Variants in PDE3B observed in about 807,000 individuals in gnomAD.
PDE3B encodes the protein cGMP-inhibited 3',5'-cyclic phosphodiesterase 3B.
A neutral mutation model predicts 116.8 loss-of-function variants in PDE3B; 66 were observed. The observed-to-expected ratio is 0.56, with a 90% confidence interval of 0.46 to 0.69. The LOEUF is 0.69. PDE3B is among the 30% of genes least tolerant of loss of function. PDE3B has a pLI of 0.00. For missense variants in PDE3B, 1,384 were observed against 1,368.1 expected, an observed-to-expected ratio of 1.01 and a Z score of -0.18; for synonymous variants, 595 against 533.6, an observed-to-expected ratio of 1.12 and a Z score of -1.59.
the PDE3B span, among the ~76,000 whole-genome samples, chr11:14,898,179 G>A: frequency 2.8e-4 from 42 of 152,056 alleles, no homozygotes; most frequent in South Asian, 1.2e-3. Context: ...TTTGCCTCTC[G>A]GTGGATTCAT....
intron 1 of PDE3B, among the ~76,000 whole-genome samples, chr11:14,726,857 T>C (rs1370773924): frequency 6.6e-6 from 1 of 152,172 alleles, no homozygotes; most frequent in Non-Finnish European, 1.5e-5. Flanking sequence ...TGAAGTAGAC[T>C]CCTTTGAGAA....
chr11:14,867,713 G>C lies in PDE3B; in HGVS notation c.3094G>C (p.Glu1032Gln), dbSNP rs782637958. The change falls in exon 15 of 16, where the codon GAA becomes CAA. Residue 1032 changes from glutamate to glutamine, a missense_variant. By Grantham distance (29) the Glu-to-Gln change is conservative. This residue lies in a region of PDE3B where 428 missense variants were observed against 561.4 expected (regional missense o/e 0.76). Coordinates refer to ENST00000282096, the MANE Select transcript of PDE3B (RefSeq NM_000922.4). ...TESGDDEDGE[E>Q]LDTEDEEMEN... ...AAGTGGTGATGATGAAGACGGTGAA[G>C]AATTAGATACAGAAGATGAAGAAAT... 4.3e-5 allele frequency: 70 copies of C among 1,612,358 alleles called. 2 individuals carry two copies. In the South Asian group the frequency reaches 7.4e-4, roughly 17 times the overall value.
At chr11:14,696,847 G>A (rs1417478448) in intron 1 of PDE3B, among the ~76,000 whole-genome samples, 2 of 152,016 alleles carry the variant, frequency 1.3e-5, no homozygotes, top group East Asian at 3.9e-4. Context: ...TAGTAGTTTA[G>A]TGCTTTTGAA....
chr11:14,842,923 G>T (rs1847506480), intron 11 of PDE3B, among the ~76,000 whole-genome samples: 1 of 152,098 alleles, frequency 6.6e-6, no homozygotes, highest in African/African-American at 2.4e-5. Context: ...ACTAAAATAG[G>T]ATTAAATAAT....
chr11:14,764,361 G>A (rs773916044), intron 1 of PDE3B, among the ~76,000 whole-genome samples: 1 of 152,012 alleles, frequency 6.6e-6, no homozygotes, highest in African/African-American at 2.4e-5. Flanking sequence ...AGAATATAGG[G>A]TTCACTCTCC....
chr11:14,820,265 ATTCAG>A (rs2133951778), intron 7 of PDE3B, among the ~76,000 whole-genome samples: 1 of 151,802 alleles, frequency 6.6e-6, no homozygotes, highest in African/African-American at 2.4e-5. Context: ...TTACAATGGA[ATTCAG>A]TTCAGCAATT....
intron 12 of PDE3B, among the ~76,000 whole-genome samples, chr11:14,847,697 A>G (rs979701611): frequency 6.6e-6 from 1 of 152,260 alleles, no homozygotes; most frequent in African/African-American, 2.4e-5. Flanking sequence ...CCATCAGAGA[A>G]TAGTACAAAC....
intron 1 of PDE3B, among the ~76,000 whole-genome samples, chr11:14,725,302 T>TC (rs1856258880): frequency 8.4e-6 from 1 of 119,312 alleles, no homozygotes; most frequent in African/African-American, 2.9e-5. Flanking sequence ...TCTTTCTTTC[T>TC]TTCTTTCTCT....
At chr11:14,797,459 C>G (rs577403070) in intron 4 of PDE3B, among the ~76,000 whole-genome samples, 1 of 152,226 alleles carries the variant, frequency 6.6e-6, no homozygotes, top group African/African-American at 2.4e-5. Flanking sequence ...TTTTCTAATT[C>G]TGTGAAGAAA....
In PDE3B at chr11:14,643,872, C is replaced by G. The variant is rs1415490073; in HGVS notation, c.-204C>G. 1.5e-6 allele frequency: 1 copy of G among 673,362 alleles called. No homozygotes were observed. The highest frequency in any genetic ancestry group is 2.2e-6 in the Non-Finnish European group (1 of 448,448). 41.7% of individuals were successfully genotyped at this position (673,362 alleles called of 1,614,324 possible). A position where few individuals can be genotyped will look rare whatever the true frequency, so the allele number is the denominator to read the frequency against. On this transcript the variant is annotated 5_prime_UTR_variant, in exon 1 of 16. Coordinates refer to ENST00000282096, the MANE Select transcript of PDE3B (RefSeq NM_000922.4). ...TGGTCCTGGAGAGAAGCCCCTTCCG[C>G]CCCTCTCCTCAGCCAGCATGTCCCG...
In PDE3B at chr11:14,644,757, T is replaced by C. The variant is rs763180115; in HGVS notation, c.682T>C (p.Phe228Leu). 34 of 1,596,648 alleles carry C rather than the reference T, an allele frequency of 2.1e-5. No homozygotes were observed. The African/African-American group carries it at 4.4e-4, about 21-fold the overall frequency. The change falls in exon 1 of 16, where the codon TTC (phenylalanine) becomes CTC (leucine). Residue 228 changes from phenylalanine (F) to leucine (L), a missense_variant. Phe to Leu is a conservative substitution (Grantham distance 22). Transcript: ENST00000282096. ...HCVLVLLLAS[F>L]VWWVSFTSLG... ...CGTTCTGGTGCTGCTCCTGGCCAGC[T>C]TCGTCTGGTGGGTCTCCTTCACCAG...
the PDE3B span, among the ~76,000 whole-genome samples, chr11:14,897,383 G>T: frequency 1.3e-5 from 2 of 152,128 alleles, no homozygotes; most frequent in Non-Finnish European, 2.9e-5. Flanking sequence ...TGGTTTTACA[G>T]GTCAATGCCC....
chr11:14,807,350 G>T (rs947832679), intron 5 of PDE3B, among the ~76,000 whole-genome samples: 1 of 152,018 alleles, frequency 6.6e-6, no homozygotes, highest in Admixed American at 6.6e-5. Context: ...TAGCATAGAG[G>T]GTAGTCAAGG....
At chr11:14,813,881 A>G (rs916734309) in intron 5 of PDE3B, among the ~76,000 whole-genome samples, 1 of 152,212 alleles carries the variant, frequency 6.6e-6, no homozygotes, top group Admixed American at 6.5e-5. Flanking sequence ...AGTTACACAT[A>G]TAATTGAGTA....
At chr11:14,842,021 T>C (rs1486526036) in intron 11 of PDE3B, among the ~76,000 whole-genome samples, 2 of 152,100 alleles carry the variant, frequency 1.3e-5, no homozygotes, top group Non-Finnish European at 2.9e-5. Context: ...ATGCAATTGA[T>C]TTTTGCATGT....
chr11:14,892,712 A>C, the PDE3B span, among the ~76,000 whole-genome samples: 69 of 152,250 alleles, frequency 4.5e-4, no homozygotes, highest in African/African-American at 1.6e-3. Flanking sequence ...AAAGAAAGTA[A>C]TTTTACTGTT....
At chr11:14,891,859 C>T in the PDE3B span, 2 of 1,407,148 alleles carry the variant, frequency 1.4e-6, no homozygotes, top group Middle Eastern at 2.6e-4. Context: ...CAAAGGGCAG[C>T]CGGCACACGG....
chr11:14,670,399 T>TA (rs1854326567), intron 1 of PDE3B, among the ~76,000 whole-genome samples: 1 of 152,154 alleles, frequency 6.6e-6, no homozygotes, highest in African/African-American at 2.4e-5. Flanking sequence ...AGGAGGGTAT[T>TA]ATAGGTATCT....
intron 12 of PDE3B, among the ~76,000 whole-genome samples, chr11:14,845,603 A>C (rs995723640): frequency 4.6e-5 from 7 of 152,192 alleles, no homozygotes; most frequent in African/African-American, 7.2e-5. Flanking sequence ...AAAATTTAGA[A>C]GAATGTATAA....
Sources: allele counts gnomAD v4.1 joint callset (sites outside exome capture counted in the v4.1 genomes callset), GRCh38; gene constraint gnomAD v4.1.1; regional missense constraint gnomAD v4.1.1; transcripts MANE v1.5; gene names NCBI Gene and HGNC (gene_info 2026-07-23, HGNC 2026-07-21).